EDN3: variants seen among roughly 807,000 people sequenced by gnomAD.
EDN3 encodes the protein endothelin-3.
A neutral mutation model predicts 21.4 loss-of-function variants in EDN3; 9 were observed. The ratio of observed to expected loss-of-function variants is 0.42; its 90% confidence interval spans 0.25 to 0.73. The LOEUF (loss-of-function observed/expected upper bound fraction) is 0.73, where lower values mean the gene tolerates loss of function less well. Among genes scored for constraint, EDN3 ranks in the 30% least tolerant of loss-of-function variants. The probability of loss-of-function intolerance (pLI) is 0.26; values close to 1 mark genes in which losing one functional copy is unlikely to be tolerated. For synonymous variants in EDN3, 133 were observed against 126.2 expected, an observed-to-expected ratio of 1.05 and a Z score of -0.36; for missense variants, 327 against 309.4, an observed-to-expected ratio of 1.06 and a Z score of -0.43.
At chr20:59,306,595 T>TAAAAAAAAAAAGA (rs1989435191) in intron 2 of EDN3, among the ~76,000 whole-genome samples, 1 of 62,454 alleles carries the variant, frequency 1.6e-5, no homozygotes, top group Non-Finnish European at 2.9e-5. Context: ...GCATAAAGAG[T>TAAAAAAAAAAAGA]AAAAAAAAAA....
At position 59,301,536 on chromosome 20, in the gene EDN3, G is replaced by A; in HGVS notation, c.179G>A (p.Gly60Asp). ...VAGPGEETVA[G>D]PGEGTVAPTA... ...GGCCCTGGCGAGGAGACTGTGGCTG[G>A]CCCTGGCGAGGGGACTGTGGCCCCG... Residue 60 changes from glycine (G) to aspartate (D), a missense_variant, in exon 2 of 5, where the codon GGC becomes GAC. By Grantham distance (94) the Gly-to-Asp change is moderately conservative. Transcript: ENST00000337938. 2.5e-6 allele frequency: 4 copies of A among 1,613,310 alleles called. No homozygotes were observed. The highest frequency in any genetic ancestry group is 2.5e-6 in the Non-Finnish European group (3 of 1,179,780).
At position 59,324,158 on chromosome 20, in the gene EDN3, G is replaced by A. The variant is rs1161458480; in HGVS notation, c.589-173G>A. 2.0e-5 allele frequency among the ~76,000 whole-genome samples: 3 copies of A among 152,234 alleles called. No homozygotes were observed. In the East Asian group the frequency reaches 5.8e-4, roughly 29 times the overall value. On this transcript the variant is annotated intron_variant, in intron 4 of 4. Transcript: ENST00000337938. ...TTCACACTTTTCCAGTCTGGTGGTA[G>A]GCTCGGAAATTGCTGAGAAGCACTG...
At chr20:59,312,455 C>A (rs1031666973) in intron 2 of EDN3, among the ~76,000 whole-genome samples, 2 of 152,154 alleles carry the variant, frequency 1.3e-5, no homozygotes, top group African/African-American at 4.8e-5. Context: ...CTTTGACCCC[C>A]TGGTGCTTCC....
chr20:59,320,943 C>T (rs553393647), intron 2 of EDN3, 74 bp from the exon 3 acceptor site: 9 of 1,538,148 alleles, frequency 5.9e-6, no homozygotes, highest in East Asian at 4.5e-5. Context: ...CGGTGGTTCT[C>T]GCTCCACACC....
Position 59,306,767 on chromosome 20 carries a change from A to G in EDN3, c.365+5045A>G, listed in dbSNP as rs533564435. On this transcript the variant is annotated intron_variant, in intron 2 of 4. Coordinates refer to ENST00000337938, the MANE Select transcript of EDN3 (RefSeq NM_207034.3). ...GATATTCCAAATTTTAGAACATCCC[A>G]ATAGAACGGTTGGATCTGGAACCCC... 2.0e-3 allele frequency among the ~76,000 whole-genome samples: 306 copies of G among 152,306 alleles called. 2 individuals are homozygous for G. The Middle Eastern group carries it at 0.02, about 10-fold the overall frequency.
In EDN3 at chr20:59,300,772, C is replaced by A. The variant is rs371551500; in HGVS notation, c.-41C>A. 1.9e-6 allele frequency: 3 copies of A among 1,595,516 alleles called. No individual in the cohort carries two copies. Among genetic ancestry groups the A allele is most frequent in the South Asian group, 2.3e-5 (2 of 88,878 alleles). On this transcript the variant is annotated 5_prime_UTR_variant, in exon 1 of 5. Transcript: ENST00000337938. The stretch of plus-strand genomic sequence containing the variant: ...AGTGCCCTTTCGCGGCCACAAGCGG[C>A]CGTCCTCCTGGTCCGGTGCTCCGGC...
intron 2 of EDN3, among the ~76,000 whole-genome samples, chr20:59,311,728 G>T (rs771981174): frequency 6.6e-6 from 1 of 150,966 alleles, no homozygotes; most frequent in Admixed American, 6.6e-5. Context: ...TGGACCTCCC[G>T]TCTCATCCAA....
Position 59,322,249 on chromosome 20 carries a change from G to A in EDN3, c.543-123G>A, listed in dbSNP as rs922640208. ...AGCCTTCAGAAACTGTGCCTGAGAC[G>A]CAGTCCTTGGGGAACGCACTAATGT... On this transcript the variant is annotated intron_variant, in intron 3 of 4. Transcript: ENST00000337938. This position sits in a 1 kb window ranked among gnomAD's most constrained non-coding sequence, Gnocchi z 4.1. 9 of 1,068,484 alleles carry A rather than the reference G, an allele frequency of 8.4e-6. No homozygotes were observed. The African/African-American group carries it at 9.4e-5, about 11-fold the overall frequency. The allele number at this position is 1,068,484 out of a possible 1,614,324, so 66.2% of individuals were successfully genotyped here.
rs7263687 is a variant in EDN3, at chr20:59,321,611, G to C, written c.542+418G>C. 1.0e-3 allele frequency among the ~76,000 whole-genome samples: 153 copies of C among 152,296 alleles called. No individual in the cohort carries two copies. The East Asian group carries it at 0.013, about 13-fold the overall frequency. ...AGAGTGCAAAAGGCTTATTGGGAGG[G>C]GGGGGAACCCAGCACGTAGGACCAT... On this transcript the variant is annotated intron_variant, in intron 3 of 4. Coordinates refer to ENST00000337938, the MANE Select transcript of EDN3 (RefSeq NM_207034.3).
At chr20:59,309,662 G>A (rs1205109587) in intron 2 of EDN3, among the ~76,000 whole-genome samples, 2 of 152,050 alleles carry the variant, frequency 1.3e-5, no homozygotes, top group Admixed American at 6.5e-5. Flanking sequence ...CACACTTTTG[G>A]GTACCAGTTT....
At chr20:59,315,547 C>A (rs1174630623) in intron 2 of EDN3, among the ~76,000 whole-genome samples, 1 of 152,182 alleles carries the variant, frequency 6.6e-6, no homozygotes, top group Non-Finnish European at 1.5e-5. Flanking sequence ...ATGAAAACAA[C>A]ACCTCTATTT....
At chr20:59,316,685 A>C (rs1027173820) in intron 2 of EDN3, among the ~76,000 whole-genome samples, 1 of 152,224 alleles carries the variant, frequency 6.6e-6, no homozygotes, top group Non-Finnish European at 1.5e-5. Context: ...TGAATATGAG[A>C]GATTGGGGAA....
intron 2 of EDN3, among the ~76,000 whole-genome samples, chr20:59,314,383 C>T (rs948142905): frequency 1.3e-5 from 2 of 152,120 alleles, no homozygotes; most frequent in Admixed American, 6.5e-5. Context: ...TCACAAGCAA[C>T]AGAAACCTAG....
chr20:59,322,417 G>T lies in EDN3; in HGVS notation c.588G>T (p.Lys196Asn), dbSNP rs768529772. ...AAACAGACAAAGAAGAGGAAGGGAA[G>T]GTGAGAGGTGCCAACAGAGGCCTGT... Reference protein sequence around the residue: ...AEKTDKEEEGKVEVKDQQSKQ... With the variant: ...AEKTDKEEEGNVEVKDQQSKQ... The change falls in exon 4 of 5, where the codon AAG becomes AAT. Residue 196 changes from lysine to asparagine, a missense_variant and splice_region_variant. Coordinates refer to ENST00000337938, the MANE Select transcript of EDN3 (RefSeq NM_207034.3). The surrounding 1 kb of genome is among the most constrained non-coding windows in gnomAD (Gnocchi z 4.1). The T allele has an allele frequency of 8.7e-6, 14 of 1,614,218 alleles. No homozygotes were observed. In the East Asian group the frequency reaches 2.9e-4, roughly 33 times the overall value.
chr20:59,301,693 C>G lies in EDN3; in HGVS notation c.336C>G (p.His112Gln), dbSNP rs763421771. Residue 112 changes from histidine to glutamine, a missense_variant, in exon 2 of 5, where the codon CAC becomes CAG. By Grantham distance (24) the His-to-Gln change is conservative (BLOSUM62 0). Coordinates refer to ENST00000337938, the MANE Select transcript of EDN3 (RefSeq NM_207034.3). ...YKDKECVYYCHLDIIWINTPE... is the reference protein window; with the variant it reads ...YKDKECVYYCQLDIIWINTPE... Reference sequence around the variant, plus strand: ...ACAAGGAGTGTGTCTACTATTGCCACCTGGACATCATTTGGATCAACACTC... The same window carrying G: ...ACAAGGAGTGTGTCTACTATTGCCAGCTGGACATCATTTGGATCAACACTC... 6.2e-7 allele frequency: 1 copy of G among 1,614,192 alleles called. No individual in the cohort carries two copies. The highest frequency in any genetic ancestry group is 8.5e-7 in the Non-Finnish European group (1 of 1,180,022).
At chr20:59,304,689 C>T (rs913786001) in intron 2 of EDN3, among the ~76,000 whole-genome samples, 3 of 152,166 alleles carry the variant, frequency 2.0e-5, no homozygotes, top group Admixed American at 2.0e-4. Context: ...TACCGAGACC[C>T]GCTTTGCATC....
chr20:59,312,824 G>T (rs901973632), intron 2 of EDN3, among the ~76,000 whole-genome samples: 6 of 152,192 alleles, frequency 3.9e-5, no homozygotes, highest in Non-Finnish European at 8.8e-5. Flanking sequence ...ACCCTGGAGA[G>T]ACCCAGCCAG....
chr20:59,316,339 C>T (rs1002018827), intron 2 of EDN3, among the ~76,000 whole-genome samples: 1 of 152,220 alleles, frequency 6.6e-6, no homozygotes, highest in Non-Finnish European at 1.5e-5. Context: ...TCTAGTCCAG[C>T]GCCTGCATGT....
chr20:59,315,011 T>G (rs1409535999), intron 2 of EDN3, among the ~76,000 whole-genome samples: 1 of 152,254 alleles, frequency 6.6e-6, no homozygotes, highest in African/African-American at 2.4e-5. Flanking sequence ...TAAGGGTATT[T>G]GGATTAATCT....
Sources: allele counts gnomAD v4.1 joint callset (sites outside exome capture counted in the v4.1 genomes callset), GRCh38; gene constraint gnomAD v4.1.1; non-coding constraint Gnocchi (gnomAD v3.1); transcripts MANE v1.5; gene names NCBI Gene and HGNC (gene_info 2026-07-23, HGNC 2026-07-21).